TMEM181: variants seen among roughly 807,000 people sequenced by gnomAD.
TMEM181 encodes the protein G protein-coupled receptor 178.
In TMEM181, 39 loss-of-function variants were observed where a neutral mutation model predicts 71.9. The observed-to-expected ratio is 0.54, with a 90% CI of 0.42 to 0.71. TMEM181 has a LOEUF of 0.71. Ranked by LOEUF, TMEM181 falls within the 30% of genes least tolerant of loss-of-function variation. The pLI, the probability that TMEM181 is intolerant of heterozygous loss-of-function variation, is 0.00. For missense variants in TMEM181, 595 were observed against 583.0 expected (o/e 1.02, Z -0.21); for synonymous variants, 245 against 228.8 (o/e 1.07, Z -0.64).
chr6:158,602,726 G>A (rs918317762), intron 6 of TMEM181, among the ~76,000 whole-genome samples: 1 of 151,870 alleles, frequency 6.6e-6, no homozygotes, highest in Non-Finnish European at 1.5e-5. Flanking sequence ...ACAGGCGCAC[G>A]CCACCATGCT....
At chr6:158,615,789 G>A (rs1450636835) in intron 10 of TMEM181, among the ~76,000 whole-genome samples, 1 of 152,110 alleles carries the variant, frequency 6.6e-6, no homozygotes, top group Non-Finnish European at 1.5e-5. Context: ...AAGATCAGAT[G>A]GTTGTAGATG....
chr6:158,612,103 A>C (rs1221066999), intron 10 of TMEM181, among the ~76,000 whole-genome samples: 3 of 152,154 alleles, frequency 2.0e-5, no homozygotes, highest in Non-Finnish European at 1.5e-5. Flanking sequence ...CACTCCCAAA[A>C]CATGAGTGTG....
At chr6:158,562,532 T>C (rs535211463) in intron 1 of TMEM181, among the ~76,000 whole-genome samples, 2 of 151,930 alleles carry the variant, frequency 1.3e-5, no homozygotes, top group Non-Finnish European at 2.9e-5. Context: ...TTTTTCATCC[T>C]GGGGGCATTT....
intron 15 of TMEM181, among the ~76,000 whole-genome samples, chr6:158,631,091 C>T (rs1786637470): frequency 6.6e-6 from 1 of 152,254 alleles, no homozygotes; most frequent in Non-Finnish European, 1.5e-5. Context: ...CTCCTTCCCA[C>T]AGGCCGCCTC....
chr6:158,588,761 T>C (rs1359208475), intron 5 of TMEM181, among the ~76,000 whole-genome samples: 1 of 152,240 alleles, frequency 6.6e-6, no homozygotes, highest in African/African-American at 2.4e-5. Context: ...TTCTTGTCTT[T>C]TTTAAGCCTG....
chr6:158,584,220 A>G (rs752950455), intron 4 of TMEM181, among the ~76,000 whole-genome samples, 176 bp downstream of exon 4: 3 of 152,230 alleles, frequency 2.0e-5, no homozygotes, highest in Non-Finnish European at 4.4e-5. Context: ...CCAGTGGGAG[A>G]GAAAGTTGCG....
chr6:158,536,740 C>A, exon 1 of TMEM181: 1 of 1,576,088 alleles, frequency 6.3e-7, no homozygotes, highest in Non-Finnish European at 8.6e-7. Flanking sequence ...GCGGCATGGA[C>A]GCCGAGTACC....
At chr6:158,538,223 T>C (rs113235130) in intron 1 of TMEM181, among the ~76,000 whole-genome samples, 22,589 of 151,110 alleles carry the variant, frequency 0.15, 2,244 homozygotes, top group Non-Finnish European at 0.21. Context: ...GGTGCAATCT[T>C]GGCTCACTGC....
intron 10 of TMEM181, among the ~76,000 whole-genome samples, chr6:158,616,696 C>T (rs192916562): frequency 3.9e-5 from 6 of 152,176 alleles, no homozygotes; most frequent in African/African-American, 9.6e-5. Context: ...TAGCATGAAG[C>T]GCTGTTGAAT....
intron 11 of TMEM181, among the ~76,000 whole-genome samples, 169 bp downstream of exon 11, chr6:158,623,776 T>G (rs1042568080): frequency 1.3e-5 from 2 of 152,118 alleles, no homozygotes. Flanking sequence ...TTTTTTTTTT[T>G]TTGAGTTGGA....
chr6:158,572,395 C>G, intron 1 of TMEM181: 1 of 456,660 alleles, frequency 2.2e-6, no homozygotes, highest in Non-Finnish European at 4.4e-6. Context: ...GTCTGGCTCC[C>G]AAGACCAGAA....
At chr6:158,536,713 G>C (rs1419865089) in exon 1 of TMEM181, 18 of 1,549,848 alleles carry the variant, frequency 1.2e-5, no homozygotes, top group Non-Finnish European at 1.2e-5. Flanking sequence ...CGGCGGGACC[G>C]GGACCCGGGA....
At chr6:158,590,418 C>G (rs1784041337) in intron 6 of TMEM181, among the ~76,000 whole-genome samples, 1 of 151,742 alleles carries the variant, frequency 6.6e-6, no homozygotes, top group Non-Finnish European at 1.5e-5. Context: ...TTTGCTTGCC[C>G]TTTTAATGAA....
chr6:158,592,577 A>G (rs1370795305), intron 6 of TMEM181, among the ~76,000 whole-genome samples: 5 of 151,920 alleles, frequency 3.3e-5, no homozygotes, highest in Admixed American at 6.6e-5. Flanking sequence ...GGTTCAGGCA[A>G]TTCTCCTGCC....
In TMEM181 at chr6:158,632,564, C is replaced by G. The variant is rs1786721895; in HGVS notation, c.*676C>G. The G allele has an allele frequency of 6.6e-6, 1 of 152,448 alleles. No homozygotes were observed. Among genetic ancestry groups the G allele is most frequent in the South Asian group, 2.1e-4 (1 of 4,844 alleles). The allele number at this position is 152,448 out of a possible 1,614,324, so 9.4% of individuals were successfully genotyped here. A position where few individuals can be genotyped will look rare whatever the true frequency, so the allele number is the denominator to read the frequency against. On this transcript the variant is annotated 3_prime_UTR_variant, in exon 17 of 17. Coordinates refer to ENST00000684151, the MANE Select transcript of TMEM181 (RefSeq NM_001376852.1). ...GTTTGATAAGTTGAATAAGGAAAGG[C>G]TAAGATAATTTACAGGTTACCAACT... is the stretch of plus-strand genomic sequence containing the variant.
intron 7 of TMEM181, 87 bp downstream of exon 7, chr6:158,605,434 A>G (rs1041494354): frequency 3.3e-6 from 4 of 1,222,906 alleles, no homozygotes; most frequent in African/African-American, 1.5e-5. Flanking sequence ...TGCAAGCCAC[A>G]TGGAGATTGA....
At chr6:158,621,304 A>AT (rs1234811236) in intron 10 of TMEM181, 2 of 152,978 alleles carry the variant, frequency 1.3e-5, no homozygotes, top group Non-Finnish European at 2.9e-5. Flanking sequence ...TCGAGAAGTG[A>AT]TTTCCTTGAA....
chr6:158,624,497 C>T (rs1465233221), intron 11 of TMEM181, among the ~76,000 whole-genome samples: 2 of 152,230 alleles, frequency 1.3e-5, no homozygotes, highest in Non-Finnish European at 2.9e-5. Context: ...GTCCACCCCG[C>T]GGCCTGGCCC....
In TMEM181 at chr6:158,607,356, AT is replaced by A; in HGVS notation, c.673+18del. On this transcript the variant is annotated intron_variant, in intron 8 of 16. Transcript: ENST00000684151. The stretch of plus-strand genomic sequence containing the variant: ...CTACTTTACAATGGTGGGTAGTTCC[AT>A]TTTTACTTAGGAACTTTTCCCTTTA... 3.1e-6 allele frequency: 5 copies of A among 1,610,446 alleles called. No homozygotes were observed. Among genetic ancestry groups the A allele is most frequent in the Middle Eastern group, 1.7e-4 (1 of 6,056 alleles).
Sources: gnomAD v4.1 joint callset for allele counts (sites outside exome capture counted in the v4.1 genomes callset) on GRCh38, gnomAD v4.1.1 for gene constraint, MANE v1.5 for transcripts, NCBI Gene and HGNC (gene_info 2026-07-23, HGNC 2026-07-21) for gene names.